MAP4K2: variants seen among roughly 807,000 people sequenced by gnomAD.
The protein encoded by MAP4K2 is mitogen-activated protein kinase kinase kinase kinase 2.
In MAP4K2, 85 loss-of-function variants were observed where a neutral mutation model predicts 125.3. The observed-to-expected ratio is 0.68, with a 90% CI of 0.57 to 0.81. The LOEUF (loss-of-function observed/expected upper bound fraction) is 0.81, where lower values mean the gene tolerates loss of function less well. Among genes scored for constraint, MAP4K2 ranks in the 40% least tolerant of loss-of-function variants. MAP4K2 has a pLI of 0.00. For missense variants in MAP4K2, 923 were observed against 1,056.4 expected, an observed-to-expected ratio of 0.87 and a Z score of 1.75; for synonymous variants, 479 against 445.1, an observed-to-expected ratio of 1.08 and a Z score of -0.96.
rs1402831203 is a variant in MAP4K2, at chr11:64,786,929, A to T, written c.*2608T>A. The T allele has an allele frequency of 6.6e-6, 1 of 151,840 alleles. No individual in the cohort carries two copies. The highest frequency in any genetic ancestry group is 6.6e-5 in the Admixed American group (1 of 15,226). The allele number at this position is 151,840 out of a possible 1,614,324, so 9.4% of individuals were successfully genotyped here. A position where few individuals can be genotyped will look rare whatever the true frequency, so the allele number is the denominator to read the frequency against. On this transcript the variant is annotated 3_prime_UTR_variant, in exon 32 of 32. Coordinates refer to ENST00000294066, the MANE Select transcript of MAP4K2 (RefSeq NM_004579.5). ...AAAAAAAAAATTTTTTTTTAAAGGG[A>T]GATCTTTAACGCAAAACTCTCCAGG... is the stretch of plus-strand genomic sequence containing the variant.
chr11:64,789,228 T>G lies in MAP4K2; in HGVS notation c.*309A>C, dbSNP rs1940329301. The stretch of plus-strand genomic sequence containing the variant: ...AGGGGCAGGCTCTTGGCAGAAAGAG[T>G]AGAAAGGAAATGTGGAACAAAATGG... On this transcript the variant is annotated 3_prime_UTR_variant, in exon 32 of 32. Transcript: ENST00000294066. 7.1e-6 allele frequency: 3 copies of G among 420,436 alleles called. No homozygotes were observed. The highest frequency in any genetic ancestry group is 3.8e-5 in the Admixed American group (1 of 26,328). 26.0% of individuals were successfully genotyped at this position (420,436 alleles called of 1,614,324 possible). A position where few individuals can be genotyped will look rare whatever the true frequency, so the allele number is the denominator to read the frequency against.
At position 64,796,954 on chromosome 11, in the gene MAP4K2, G is replaced by C. The variant is rs757431029; in HGVS notation, c.1407+28C>G. The C allele has an allele frequency of 1.1e-5, 17 of 1,613,876 alleles. 1 individual carries two copies. The South Asian group carries it at 1.8e-4, about 17-fold the overall frequency. ...GGGGTGGTGGGTGGCAGGGCTGTGG[G>C]ACTGCAGGGCTTGGGGCAAACACTT... On this transcript the variant is annotated intron_variant, in intron 20 of 31. Coordinates refer to ENST00000294066, the MANE Select transcript of MAP4K2 (RefSeq NM_004579.5).
rs1169275320 is a variant in MAP4K2 at position 64,796,330 on chromosome 11, T to C, written c.1694A>G (p.Gln565Arg). 1.3e-6 allele frequency: 2 copies of C among 1,557,158 alleles called. No individual in the cohort carries two copies. Among genetic ancestry groups the C allele is most frequent in the East Asian group, 2.3e-5 (1 of 44,400 alleles). Residue 565 changes from glutamine to arginine, a missense_variant, in exon 24 of 32, where the codon CAG becomes CGG. Physicochemically the swap from Gln to Arg is conservative, Grantham distance 43 (BLOSUM62 1). Around this residue, in one of 2 missense-constraint regions of MAP4K2, gnomAD observed 833 missense variants for 911.4 expected, o/e 0.91. Coordinates refer to ENST00000294066, the MANE Select transcript of MAP4K2 (RefSeq NM_004579.5). ...LPGLFEQRRL[Q>R]QQVPLSIPTN... is the part of the protein sequence containing the mutation. ...GGGGATGGAGAGGGGAACCTGTTGC[T>C]GTAGCCTCCGCTGCTCAAACAGGCC...
rs753884208 is a variant in MAP4K2 at position 64,801,715 on chromosome 11, T to C, written c.409A>G (p.Ile137Val). Residue 137 changes from isoleucine (I) to valine (V), a missense_variant, in exon 6 of 32, where the codon ATC becomes GTC. Around this residue, in one of 2 missense-constraint regions of MAP4K2, gnomAD observed 833 missense variants for 911.4 expected, o/e 0.91. Transcript: ENST00000294066. Reference protein sequence around the residue: ...LHSQGKIHRDIKGANLLLTLQ... With the variant: ...LHSQGKIHRDVKGANLLLTLQ... ...GCCCCCAGCTAGGTGCCTACCTTGA[T>C]GTCTCTGTGGATCTTCCCCTGAGAA... 7.4e-6 allele frequency: 12 copies of C among 1,613,782 alleles called. No individual in the cohort carries two copies. The highest frequency in any genetic ancestry group is 1.0e-5 in the Non-Finnish European group (12 of 1,179,946).
rs1940232417 is a variant in MAP4K2 at position 64,787,256 on chromosome 11, C to A, written c.*2281G>T. ...ATGTTGGCCAGGCTGGTCTCGAACC[C>A]CTGACCTCGTGATTCGCCCGCCTCG... On this transcript the variant is annotated 3_prime_UTR_variant, in exon 32 of 32. Transcript: ENST00000294066. 1 of 151,930 alleles carries A rather than the reference C, an allele frequency of 6.6e-6. No individual in the cohort carries two copies. Among genetic ancestry groups the A allele is most frequent in the Non-Finnish European group, 1.5e-5 (1 of 68,000 alleles). The allele number at this position is 151,930 out of a possible 1,614,324, so 9.4% of individuals were successfully genotyped here. A position where few individuals can be genotyped will look rare whatever the true frequency, so the allele number is the denominator to read the frequency against.
Position 64,800,882 on chromosome 11 carries a change from G to A in MAP4K2, c.662+18C>T. 2 of 1,614,014 alleles carry A rather than the reference G, an allele frequency of 1.2e-6. No individual in the cohort carries two copies. Among genetic ancestry groups the A allele is most frequent in the Non-Finnish European group, 1.7e-6 (2 of 1,180,014 alleles). ...GCCGCAGATCAAGGGTCAGGTGAGG[G>A]GCAAGTGTTGGGCTGACCTCATGGG... is the stretch of plus-strand genomic sequence containing the variant. On this transcript the variant is annotated intron_variant, in intron 9 of 31. Coordinates refer to ENST00000294066, the MANE Select transcript of MAP4K2 (RefSeq NM_004579.5).
At chr11:64,790,908 G>A (rs937770791) in intron 27 of MAP4K2, among the ~76,000 whole-genome samples, 2 of 152,172 alleles carry the variant, frequency 1.3e-5, no homozygotes, top group African/African-American at 4.8e-5. Flanking sequence ...GGCCGAAGCG[G>A]GTGGATCACC....
Position 64,797,612 on chromosome 11 carries a change from C to A in MAP4K2, c.1136+14G>T, listed in dbSNP as rs1395930018. The A allele has an allele frequency of 6.3e-7, 1 of 1,579,466 alleles. No homozygotes were observed. The highest frequency in any genetic ancestry group is 8.6e-7 in the Non-Finnish European group (1 of 1,161,736). On this transcript the variant is annotated intron_variant, in intron 16 of 31. Coordinates refer to ENST00000294066, the MANE Select transcript of MAP4K2 (RefSeq NM_004579.5). ...ACCTGCCCCTTGCCCCTCCCCCAGG[C>A]CCACATCCCTCACCTTTCCTCCAGG...
In MAP4K2 at chr11:64,792,236, G is replaced by C. The variant is rs1940531754; in HGVS notation, c.1850C>G (p.Ala617Gly). The change falls in exon 26 of 32, where the codon GCC becomes GGC. Residue 617 changes from alanine to glycine, a missense_variant. Physicochemically the swap from Ala to Gly is moderately conservative, Grantham distance 60. Transcript: ENST00000294066. ...PYTGATFLLA[A>G]LPTSLLLLQW... ...CAGCAGGAGCAGGCTGGTGGGCAGG[G>C]CGGCCAGCAGGAAGGTGGCACCCGT... 6.2e-7 allele frequency: 1 copy of C among 1,611,860 alleles called. No homozygotes were observed. The highest frequency in any genetic ancestry group is 8.5e-7 in the Non-Finnish European group (1 of 1,179,610).
intron 27 of MAP4K2, 48 bp from the exon 28 acceptor site, chr11:64,790,510 C>T (rs1267007487): frequency 1.3e-6 from 2 of 1,570,982 alleles, no homozygotes; most frequent in East Asian, 2.2e-5. Context: ...ACCAGTCCCC[C>T]AACCCCAAGA....
chr11:64,799,282 G>A, intron 14 of MAP4K2, 139 bp downstream of exon 14: 7 of 1,007,850 alleles, frequency 6.9e-6, no homozygotes, highest in Non-Finnish European at 1.0e-5. Context: ...GGGTAGGACA[G>A]GCTTGCTTGG....
Position 64,798,818 on chromosome 11 carries a change from A to G in MAP4K2, c.1073T>C (p.Leu358Pro), listed in dbSNP as rs778445530. The change falls in exon 15 of 32, where the codon CTA becomes CCA. Residue 358 changes from leucine to proline, a missense_variant. Coordinates refer to ENST00000294066, the MANE Select transcript of MAP4K2 (RefSeq NM_004579.5). ...CCCACTCAACTCTTCCTTTCCCAGT[A>G]GTGTCCACTCTTCCTCCCACTGGGG... is the stretch of plus-strand genomic sequence containing the variant. ...LNEPWEEEWT[L>P]LGKEELSGSL... 3.7e-6 allele frequency: 6 copies of G among 1,608,810 alleles called. No homozygotes were observed. The South Asian group carries it at 6.6e-5, about 18-fold the overall frequency.
chr11:64,790,377 G>T lies in MAP4K2; in HGVS notation c.2161+17C>A. 6.2e-7 allele frequency: 1 copy of T among 1,614,026 alleles called. No individual in the cohort carries two copies. Among genetic ancestry groups the T allele is most frequent in the Non-Finnish European group, 8.5e-7 (1 of 1,179,942 alleles). ...TCCATAGTCCCCTGCCCTAAGCCCTGCCCCCAGGGCACTCACGTTCAAAGC... is the reference window on the plus strand; with the variant it reads ...TCCATAGTCCCCTGCCCTAAGCCCTTCCCCCAGGGCACTCACGTTCAAAGC... On this transcript the variant is annotated intron_variant, in intron 28 of 31. Coordinates refer to ENST00000294066, the MANE Select transcript of MAP4K2 (RefSeq NM_004579.5).
intron 15 of MAP4K2, among the ~76,000 whole-genome samples, 190 bp from the exon 16 acceptor site, chr11:64,797,854 C>T (rs1466593090): frequency 8.6e-5 from 13 of 151,304 alleles, no homozygotes; most frequent in Admixed American, 2.6e-4. Context: ...TACAGGCGCC[C>T]GCCACCGCAC....
intron 15 of MAP4K2, among the ~76,000 whole-genome samples, chr11:64,798,463 C>T (rs1344584402): frequency 1.3e-5 from 2 of 152,146 alleles, no homozygotes; most frequent in African/African-American, 4.8e-5. Context: ...CACAGCCAGC[C>T]TAATTTTTGT....
In MAP4K2 at chr11:64,801,164, G is replaced by C; in HGVS notation, c.477C>G (p.Gly159=). The stretch of plus-strand genomic sequence containing the variant: ...TCTTGGCCACAGACGCTGTCAGCTC[G>C]CCTGACACCCCAAAGTCAGCTGTGG... ...DVKLADFGVS[G]ELTASVAKRR... Residue 159 remains glycine, a synonymous_variant, in exon 8 of 32, where the codon GGC becomes GGG. Transcript: ENST00000294066. The C allele has an allele frequency of 6.2e-7, 1 of 1,613,132 alleles. No homozygotes were observed. Among genetic ancestry groups the C allele is most frequent in the Non-Finnish European group, 8.5e-7 (1 of 1,179,920 alleles).
chr11:64,801,594 C>T lies in MAP4K2; in HGVS notation c.442G>A (p.Gly148Arg), dbSNP rs1302662910. 3 of 1,614,016 alleles carry T rather than the reference C, an allele frequency of 1.9e-6. No individual in the cohort carries two copies. The South Asian group carries it at 3.3e-5, about 18-fold the overall frequency. ...KGANLLLTLQ[G>R]DVKLADFGVS... ...GGGTACTGACCCAGTTTGACATCTC[C>T]CTGGAGAGTGAGGAGAAGGTTGGCT... Residue 148 changes from glycine to arginine, a missense_variant, in exon 7 of 32, where the codon GGA becomes AGA. Gly to Arg is a moderately radical substitution (Grantham distance 125). Transcript: ENST00000294066.
Position 64,802,930 on chromosome 11 carries a change from C to T in MAP4K2, c.109G>A (p.Val37Ile). ...YGDVYKARDT[V>I]TSELAAVKIV... ...TTCACGGCGGCCAGTTCGGACGTGA[C>T]CGTGTCGCGGGCCTGCAGGGGCGGA... Residue 37 changes from valine to isoleucine, a missense_variant, in exon 2 of 32, where the codon GTC (valine) becomes ATC (isoleucine). Coordinates refer to ENST00000294066, the MANE Select transcript of MAP4K2 (RefSeq NM_004579.5). The T allele has an allele frequency of 6.3e-7, 1 of 1,589,160 alleles. No individual in the cohort carries two copies. The highest frequency in any genetic ancestry group is 2.3e-5 in the East Asian group (1 of 43,484).
Position 64,797,639 on chromosome 11 carries a change from C to T in MAP4K2, c.1123G>A (p.Ala375Thr), listed in dbSNP as rs757158005. The T allele has an allele frequency of 2.5e-6, 4 of 1,580,702 alleles. No homozygotes were observed. The African/African-American group carries it at 5.4e-5, about 21-fold the overall frequency. The change falls in exon 16 of 32, where the codon GCC becomes ACC. Residue 375 changes from alanine to threonine, a missense_variant. Physicochemically the swap from Ala to Thr is moderately conservative, Grantham distance 58 (BLOSUM62 0). Coordinates refer to ENST00000294066, the MANE Select transcript of MAP4K2 (RefSeq NM_004579.5). ...CACATCCCTCACCTTTCCTCCAGGG[C>T]CTCCTGGACCGACTGCAGCAGGCTC... ...SGSLLQSVQE[A>T]LEERSLTIRS...
Sources: allele counts gnomAD v4.1 joint callset (sites outside exome capture counted in the v4.1 genomes callset), GRCh38; gene constraint gnomAD v4.1.1; regional missense constraint gnomAD v4.1.1; transcripts MANE v1.5; gene names NCBI Gene and HGNC (gene_info 2026-07-23, HGNC 2026-07-21).